PGR: variants seen among roughly 807,000 people sequenced by gnomAD.
PGR encodes nuclear receptor subfamily 3 group C member 3.
A neutral mutation model predicts 76.1 loss-of-function variants in PGR; 25 were observed. The observed-to-expected ratio is 0.33, with a 90% CI of 0.24 to 0.46. The LOEUF is 0.46. Ranked by LOEUF, PGR falls within the 20% of genes least tolerant of loss-of-function variation. PGR has a pLI of 1.00. For synonymous variants in PGR, 579 were observed against 535.0 expected (o/e 1.08, Z -1.14); for missense variants, 1,172 against 1,225.3 (o/e 0.96, Z 0.65).
chr11:101,043,419 C>A lies in PGR; in HGVS notation c.2489-1317G>T, dbSNP rs548375691. Among the ~76,000 whole-genome samples, 5 of 152,302 alleles carry A rather than the reference C, an allele frequency of 3.3e-5. No individual in the cohort carries two copies. In the East Asian group the frequency reaches 9.7e-4, roughly 29 times the overall value. ...CACATATCTGTAGTTATTTCCTCCA[C>A]TGAAGTTTTGAACACCCTCAAAGTC... On this transcript the variant is annotated intron_variant, in intron 6 of 7. Coordinates refer to ENST00000325455, the MANE Select transcript of PGR (RefSeq NM_000926.4).
intron 4 of PGR, among the ~76,000 whole-genome samples, chr11:101,062,112 T>C (rs749335787): frequency 3.3e-5 from 5 of 152,202 alleles, no homozygotes; most frequent in Non-Finnish European, 7.3e-5. Flanking sequence ...TTAGAATAAA[T>C]AGGGCATTTA....
intron 3 of PGR, among the ~76,000 whole-genome samples, chr11:101,079,148 T>C (rs1861222433): frequency 6.6e-6 from 1 of 152,078 alleles, no homozygotes; most frequent in Non-Finnish European, 1.5e-5. Context: ...GATTAAAGAC[T>C]TAAGTGTAAG....
rs1271714604 is a variant in PGR at position 101,032,815 on chromosome 11, T to G, written c.*6301A>C. 1 of 190,424 alleles carries G rather than the reference T, an allele frequency of 5.3e-6. No individual in the cohort carries two copies. The highest frequency in any genetic ancestry group is 1.1e-5 in the Non-Finnish European group (1 of 90,816). 11.8% of individuals were successfully genotyped at this position (190,424 alleles called of 1,614,324 possible). On this transcript the variant is annotated 3_prime_UTR_variant, in exon 8 of 8. Transcript: ENST00000325455. ...CCTGTCTTTATTCCCCATCCAACTC[T>G]AAGCTCGGAGAAGACGGGAACACTG...
chr11:101,115,220 C>G (rs569038783), intron 2 of PGR, among the ~76,000 whole-genome samples: 2 of 152,032 alleles, frequency 1.3e-5, no homozygotes, highest in African/African-American at 4.8e-5. Context: ...TTCTTGCTAT[C>G]AAAAATTTCA....
intron 2 of PGR, among the ~76,000 whole-genome samples, chr11:101,101,295 A>T (rs1171954287): frequency 6.6e-6 from 1 of 152,222 alleles, no homozygotes; most frequent in Non-Finnish European, 1.5e-5. Context: ...AAGAAGAGAA[A>T]GAATGAAAGA....
Position 101,129,785 on chromosome 11 carries a change from C to T in PGR, c.-715G>A, listed in dbSNP as rs1176744811. 1 of 177,848 alleles carries T rather than the reference C, an allele frequency of 5.6e-6. No homozygotes were observed. The highest frequency in any genetic ancestry group is 1.2e-5 in the Non-Finnish European group (1 of 82,768). The allele number at this position is 177,848 out of a possible 1,614,324, so 11.0% of individuals were successfully genotyped here. A position where few individuals can be genotyped will look rare whatever the true frequency, so the allele number is the denominator to read the frequency against. ...ACCCACACGCACAAATACAACAAGGCTTACCCCGATTAGTGACAGCTGTGG... is the reference window on the plus strand; with the variant it reads ...ACCCACACGCACAAATACAACAAGGTTTACCCCGATTAGTGACAGCTGTGG... On this transcript the variant is annotated 5_prime_UTR_variant, in exon 1 of 8. Coordinates refer to ENST00000325455, the MANE Select transcript of PGR (RefSeq NM_000926.4).
intron 3 of PGR, among the ~76,000 whole-genome samples, chr11:101,088,284 A>C (rs1861560418): frequency 6.6e-6 from 1 of 152,146 alleles, no homozygotes; most frequent in South Asian, 2.1e-4. Context: ...GTTGGTGGGA[A>C]TGTAAATTAG....
rs200653921 is a variant in PGR, at chr11:101,088,197, CAAAAA to C, written c.1906+3558_1906+3562del. 6.3e-3 allele frequency among the ~76,000 whole-genome samples: 952 copies of C among 151,650 alleles called. 2 individuals carry two copies. Among genetic ancestry groups the C allele is most frequent in the East Asian group, 0.022 (111 of 5,142 alleles). On this transcript the variant is annotated intron_variant, in intron 3 of 7. Coordinates refer to ENST00000325455, the MANE Select transcript of PGR (RefSeq NM_000926.4). ...TGGGTGACAGAGTGAGACTCTGTCT[CAAAAA>C]AGAAAACTCAAAAAACTCAAAACCT... is the stretch of plus-strand genomic sequence containing the variant.
intron 3 of PGR, among the ~76,000 whole-genome samples, chr11:101,089,850 G>A (rs1178570034): frequency 6.6e-6 from 1 of 152,140 alleles, no homozygotes; most frequent in Non-Finnish European, 1.5e-5. Context: ...AGGAATAACA[G>A]GCTAAAGTAA....
At chr11:101,043,144 T>C (rs1859751230) in intron 6 of PGR, among the ~76,000 whole-genome samples, 1 of 152,220 alleles carries the variant, frequency 6.6e-6, no homozygotes, top group Non-Finnish European at 1.5e-5. Context: ...ACTTCTTTCA[T>C]AATTGGAGTC....
At chr11:101,097,320 G>A (rs996987374) in intron 2 of PGR, among the ~76,000 whole-genome samples, 5 of 151,972 alleles carry the variant, frequency 3.3e-5, no homozygotes, top group South Asian at 2.1e-4. Context: ...AATCTCACTC[G>A]TCTTTCAAGC....
intron 2 of PGR, among the ~76,000 whole-genome samples, chr11:101,117,507 T>G (rs1223295656): frequency 6.6e-6 from 1 of 152,148 alleles, no homozygotes; most frequent in Non-Finnish European, 1.5e-5. Flanking sequence ...GGAGCAAATT[T>G]GTTTTTGAAT....
Position 101,128,363 on chromosome 11 carries a change from A to C in PGR, c.708T>G (p.Leu236=), listed in dbSNP as rs778407857. The stretch of plus-strand genomic sequence containing the variant: ...CCAGAGCCCGAGGTTTGCCCTTCAG[A>C]AGCGGACCCGCAGACTCCTCGGACT... The part of the protein sequence containing the change: ...GSESEESAGP[L]LKGKPRALGG... Residue 236 remains leucine, a synonymous_variant, in exon 1 of 8, where the codon CTT becomes CTG. Transcript: ENST00000325455. The C allele has an allele frequency of 2.5e-6, 4 of 1,605,876 alleles. No individual in the cohort carries two copies. Among genetic ancestry groups the C allele is most frequent in the Non-Finnish European group, 3.4e-6 (4 of 1,179,548 alleles).
intron 3 of PGR, chr11:101,063,453 T>G (rs1860587715): frequency 6.6e-6 from 1 of 152,212 alleles, no homozygotes; most frequent in Admixed American, 6.5e-5. Context: ...TGAATTCTGA[T>G]ATGTTAGGGG....
Position 101,031,590 on chromosome 11 carries a change from CTTTT to C in PGR, c.*7522_*7525del, listed in dbSNP as rs760929776. 1.1e-4 allele frequency: 21 copies of C among 186,348 alleles called. No individual in the cohort carries two copies. Among genetic ancestry groups the C allele is most frequent in the Middle Eastern group, 1.7e-3 (1 of 586 alleles). The allele number at this position is 186,348 out of a possible 1,614,324, so 11.5% of individuals were successfully genotyped here. On this transcript the variant is annotated 3_prime_UTR_variant, in exon 8 of 8. Transcript: ENST00000325455. ...TCACAATGTTCTACTGAGAATTTAG[CTTTT>C]TTTTTTTTTTTGGAGTGGGTATACC... is the stretch of plus-strand genomic sequence containing the variant.
At chr11:101,056,895 G>A (rs373233494) in intron 4 of PGR, among the ~76,000 whole-genome samples, 5 of 152,156 alleles carry the variant, frequency 3.3e-5, no homozygotes, top group East Asian at 1.9e-4. Flanking sequence ...AATCACCAAC[G>A]TATGTTTGAT....
chr11:101,043,318 A>G (rs1859757718), intron 6 of PGR, among the ~76,000 whole-genome samples: 2 of 152,174 alleles, frequency 1.3e-5, no homozygotes, highest in Non-Finnish European at 2.9e-5. Flanking sequence ...CTCATCTTTC[A>G]AGTTTTACCA....
chr11:101,106,136 C>T (rs1207082751), intron 2 of PGR, among the ~76,000 whole-genome samples: 7 of 152,050 alleles, frequency 4.6e-5, no homozygotes, highest in Non-Finnish European at 1.0e-4. Context: ...AGAAGAAAAC[C>T]TAGGCAACAC....
At chr11:101,106,759 G>T (rs1164057963) in intron 2 of PGR, among the ~76,000 whole-genome samples, 3 of 152,046 alleles carry the variant, frequency 2.0e-5, no homozygotes, top group African/African-American at 4.8e-5. Context: ...TAAAGACACA[G>T]GCACACATAT....
Sources: allele counts gnomAD v4.1 joint callset (sites outside exome capture counted in the v4.1 genomes callset), GRCh38; gene constraint gnomAD v4.1.1; transcripts MANE v1.5; gene names NCBI Gene and HGNC (gene_info 2026-07-23, HGNC 2026-07-21).